The following PRRC2B variants were observed in gnomAD, a reference collection of about 807,000 sequenced individuals.
The protein encoded by PRRC2B is protein PRRC2B.
A neutral mutation model predicts 242.3 loss-of-function variants in PRRC2B; 68 were observed. The observed-to-expected ratio is 0.28, with a 90% CI of 0.23 to 0.34. The LOEUF (loss-of-function observed/expected upper bound fraction) is 0.34. PRRC2B is among the 10% of genes least tolerant of loss of function. The pLI is 1.00. For missense variants in PRRC2B, 2,835 were observed against 2,954.8 expected (o/e 0.96, Z 0.94); for synonymous variants, 1,228 against 1,173.6 (o/e 1.05, Z -0.95).
intron 1 of PRRC2B, among the ~76,000 whole-genome samples, chr9:131,396,197 ATG>A (rs747418175): frequency 1.7e-3 from 255 of 152,018 alleles, no homozygotes; most frequent in Non-Finnish European, 3.1e-3. Context: ...GATGAAATGT[ATG>A]TGTTTGTTGA....
chr9:131,485,219 C>T, intron 25 of PRRC2B, 79 bp downstream of exon 25: 1 of 1,203,460 alleles, frequency 8.3e-7, no homozygotes, highest in Non-Finnish European at 1.2e-6. Context: ...CCCCGAATGT[C>T]ACCTCCTGGC....
chr9:131,448,056 A>AT (rs1838861750), intron 9 of PRRC2B: 1 of 357,232 alleles, frequency 2.8e-6, no homozygotes, highest in South Asian at 1.3e-4. Flanking sequence ...CTTTTTAAAA[A>AT]TTATTGATGA....
At chr9:131,443,137 TTA>T (rs1468334552) in intron 5 of PRRC2B, among the ~76,000 whole-genome samples, 11 of 67,140 alleles carry the variant, frequency 1.6e-4, no homozygotes, top group Admixed American at 9.4e-4. Flanking sequence ...TTTTATTTTA[TTA>T]TTTTTTTTTT....
At position 131,499,110 on chromosome 9, in the gene PRRC2B, G is replaced by A. The variant is rs1283656863; in HGVS notation, c.*3236G>A. ...AAAATCAGTTCAGTTCCAAAGCTGT[G>A]GTCCTTCCAGCCACTTCTAGGGACA... On this transcript the variant is annotated 3_prime_UTR_variant, in exon 32 of 32. Transcript: ENST00000683519. The A allele has an allele frequency of 6.6e-6, 1 of 152,162 alleles. No homozygotes were observed. Among genetic ancestry groups the A allele is most frequent in the African/African-American group, 2.4e-5 (1 of 41,416 alleles). 9.4% of individuals were successfully genotyped at this position (152,162 alleles called of 1,614,324 possible).
At chr9:131,430,759 A>ATTTTGCTTTTTGT (rs1416411368) in intron 2 of PRRC2B, among the ~76,000 whole-genome samples, 2 of 151,022 alleles carry the variant, frequency 1.3e-5, no homozygotes, top group Admixed American at 6.6e-5. Context: ...CGCCCAGCTA[A>ATTTTGCTTTTTGT]TTTTTGTATT....
At chr9:131,396,482 C>A (rs1837061412) in intron 1 of PRRC2B, among the ~76,000 whole-genome samples, 1 of 152,018 alleles carries the variant, frequency 6.6e-6, no homozygotes, top group Admixed American at 6.6e-5. Context: ...TGTGCCACCA[C>A]ACCTGGCCAA....
At chr9:131,455,510 CTTTTTTT>C (rs148974781) in intron 10 of PRRC2B, among the ~76,000 whole-genome samples, 7 of 86,986 alleles carry the variant, frequency 8.0e-5, no homozygotes, top group Admixed American at 1.3e-4. Flanking sequence ...GGTTCAACTT[CTTTTTTT>C]TTTTTTTTTT....
At chr9:131,462,331 G>T (rs1943264651) in intron 11 of PRRC2B, among the ~76,000 whole-genome samples, 1 of 152,012 alleles carries the variant, frequency 6.6e-6, no homozygotes, top group Non-Finnish European at 1.5e-5. Flanking sequence ...TTCTGCCTCA[G>T]CCTCCCAAGT....
At chr9:131,474,109 G>GCTTGCT (rs1184567411) in intron 15 of PRRC2B, among the ~76,000 whole-genome samples, 1 of 152,120 alleles carries the variant, frequency 6.6e-6, no homozygotes, top group Admixed American at 6.5e-5. Context: ...CCAGGCTCCA[G>GCTTGCT]CTTGCTCTTG....
rs1943978129 is a variant in PRRC2B, at chr9:131,484,999, A to G, written c.5617A>G (p.Ser1873Gly). Residue 1873 changes from serine to glycine, a missense_variant, in exon 25 of 32, where the codon AGC becomes GGC. Around this residue, in one of 7 missense-constraint regions of PRRC2B, gnomAD observed 574 missense variants for 626.0 expected, o/e 0.92. Transcript: ENST00000683519. ...AAACTCCCCCAGTTTGCCGGAGCAG[A>G]GCTCTCCAGGCGGCGCTGGCTCAGG... is the stretch of plus-strand genomic sequence containing the variant. The part of the protein sequence containing the change: ...WENSPSLPEQ[S>G]SPGGAGSGIQ... 6.2e-7 allele frequency: 1 copy of G among 1,613,488 alleles called. No homozygotes were observed. Among genetic ancestry groups the G allele is most frequent in the African/African-American group, 1.3e-5 (1 of 75,018 alleles).
At chr9:131,476,845 G>T (rs557091768) in intron 16 of PRRC2B, among the ~76,000 whole-genome samples, 1 of 152,052 alleles carries the variant, frequency 6.6e-6, no homozygotes, top group Non-Finnish European at 1.5e-5. Context: ...GAGGAACGTT[G>T]CCTGTGCACA....
chr9:131,441,625 A>C (rs1268728865), intron 5 of PRRC2B, among the ~76,000 whole-genome samples: 1 of 152,244 alleles, frequency 6.6e-6, no homozygotes, highest in Non-Finnish European at 1.5e-5. Context: ...TGTAAAAGTC[A>C]GTTTCAGTTC....
chr9:131,436,582 T>G, intron 3 of PRRC2B, 38 bp from the exon 4 acceptor site: 1 of 1,550,358 alleles, frequency 6.5e-7, no homozygotes, highest in Non-Finnish European at 8.9e-7. Flanking sequence ...CAGCGCACTC[T>G]GTGCGGTGCC....
At chr9:131,390,512 T>G (rs1182266722), upstream of PRRC2B, among the ~76,000 whole-genome samples, 5 of 126,344 alleles carry the variant, frequency 4.0e-5, no homozygotes, top group East Asian at 1.2e-3. Context: ...AGACAGAGTC[T>G]TGCTCTGTCG....
intron 29 of PRRC2B, 105 bp downstream of exon 29, chr9:131,491,685 G>A (rs1209144116): frequency 1.8e-6 from 2 of 1,087,454 alleles, no homozygotes; most frequent in Non-Finnish European, 2.6e-6. Context: ...CCAGTGGCGT[G>A]GGACTGCCAG....
rs746065388 is a variant in PRRC2B, at chr9:131,432,751, G to A, written c.250G>A (p.Gly84Arg). The change falls in exon 3 of 32, where the codon GGG becomes AGG. Residue 84 changes from glycine to arginine, a missense_variant. Physicochemically the swap from Gly to Arg is moderately radical, Grantham distance 125 (BLOSUM62 -2). This residue lies in a region of PRRC2B where 626 missense variants were observed against 685.5 expected (regional missense o/e 0.91). Coordinates refer to ENST00000683519, the MANE Select transcript of PRRC2B (RefSeq NM_013318.4). ...DPNIVIVPKD[G>R]TGWANKQDQQ... ...CAACATCGTGATAGTACCCAAGGAC[G>A]GGACGGGATGGGCAAACAAGCAGGA... 1.5e-5 allele frequency: 25 copies of A among 1,613,906 alleles called. No homozygotes were observed. Among genetic ancestry groups the A allele is most frequent in the Non-Finnish European group, 1.9e-5 (23 of 1,179,898 alleles).
At chr9:131,396,725 A>G (rs955390096) in intron 1 of PRRC2B, among the ~76,000 whole-genome samples, 1 of 151,572 alleles carries the variant, frequency 6.6e-6, no homozygotes, top group African/African-American at 2.4e-5. Context: ...TGCTATGGTG[A>G]CTATCACCCA....
At chr9:131,410,105 A>G (rs565984331) in intron 1 of PRRC2B, among the ~76,000 whole-genome samples, 2 of 152,276 alleles carry the variant, frequency 1.3e-5, no homozygotes, top group African/African-American at 2.4e-5. Context: ...ATATGTTGAA[A>G]TCATCTTCTT....
Position 131,478,524 on chromosome 9 carries a change from G to C in PRRC2B, c.4663G>C (p.Gly1555Arg). The C allele has an allele frequency of 6.2e-7, 1 of 1,613,374 alleles. No individual in the cohort carries two copies. The highest frequency in any genetic ancestry group is 8.5e-7 in the Non-Finnish European group (1 of 1,179,552). The change falls in exon 18 of 32, where the codon GGT becomes CGT. Residue 1555 changes from glycine (G) to arginine (R), a missense_variant. This residue lies in a region of PRRC2B where 1,536 missense variants were observed against 1,483.1 expected (regional missense o/e 1.04). Transcript: ENST00000683519. Reference protein sequence around the residue: ...GSSPGEESEVGSMVGEGFIEV... With the variant: ...GSSPGEESEVRSMVGEGFIEV... ...CAGCCCCGGGGAGGAGAGTGAGGTG[G>C]GTTCTATGGTGGGCGAAGGCTTCAT...
Sources: gnomAD v4.1 joint callset for allele counts (sites outside exome capture counted in the v4.1 genomes callset) on GRCh38, gnomAD v4.1.1 for gene constraint, gnomAD v4.1.1 regional missense constraint, MANE v1.5 for transcripts, NCBI Gene and HGNC (gene_info 2026-07-23, HGNC 2026-07-21) for gene names.